The following DDX6 variants were observed in gnomAD, a reference collection of about 807,000 sequenced individuals.
The protein encoded by DDX6 is probable ATP-dependent RNA helicase DDX6.
Under a neutral mutation model 60.6 loss-of-function variants are expected in DDX6, and 7 were observed. That is an observed-to-expected ratio of 0.12 (90% confidence interval 0.07 to 0.22). The LOEUF is 0.22. Ranked by LOEUF, DDX6 falls within the 10% of genes least tolerant of loss-of-function variation. DDX6 has a pLI of 1.00. For missense variants in DDX6, 270 were observed against 589.9 expected (o/e 0.46, Z 5.62); for synonymous variants, 207 against 201.0 (o/e 1.03, Z -0.25).
At chr11:118,768,125 T>C (rs1861416956) in intron 5 of DDX6, 98 bp downstream of exon 5, 3 of 1,139,230 alleles carry the variant, frequency 2.6e-6, no homozygotes, top group East Asian at 5.4e-5. Flanking sequence ...AAATTTTAGA[T>C]AATGTAAATT....
chr11:118,749,639 TCACCCA>T lies in DDX6; in HGVS notation c.*2460_*2465del, dbSNP rs1555156702. ...GAAGGAGACTGCACTTTTTGTTTAG[TCACCCA>T]CACGTTCTCTAGCGAGATACAGAAT... On this transcript the variant is annotated 3_prime_UTR_variant, in exon 14 of 14. Coordinates refer to ENST00000534980, the MANE Select transcript of DDX6 (RefSeq NM_004397.6). 4.6e-5 allele frequency: 7 copies of T among 152,656 alleles called. No individual in the cohort carries two copies. The allele number at this position is 152,656 out of a possible 1,614,324, so 9.5% of individuals were successfully genotyped here.
chr11:118,775,073 G>A (rs1302216443), intron 4 of DDX6, among the ~76,000 whole-genome samples: 2 of 152,140 alleles, frequency 1.3e-5, no homozygotes, highest in Non-Finnish European at 1.5e-5. Context: ...CCAGTACTTT[G>A]GGAGGCCGAG....
intron 7 of DDX6, among the ~76,000 whole-genome samples, chr11:118,761,077 T>C (rs1300740467): frequency 1.3e-5 from 2 of 150,938 alleles, no homozygotes; most frequent in Non-Finnish European, 3.0e-5. Context: ...GAGATGGAGG[T>C]TGCAGTTGAG....
chr11:118,778,628 C>G (rs1861782815), intron 4 of DDX6, among the ~76,000 whole-genome samples: 1 of 152,070 alleles, frequency 6.6e-6, no homozygotes, highest in Admixed American at 6.6e-5. Flanking sequence ...TCTTAAAATG[C>G]ACCCCAGATT....
At chr11:118,789,616 G>T (rs1862198114) in intron 1 of DDX6, 1 of 152,122 alleles carries the variant, frequency 6.6e-6, no homozygotes, top group Non-Finnish European at 1.5e-5. Flanking sequence ...AGCAGATATG[G>T]TTAACAGCTA....
In DDX6 at chr11:118,767,624, GCCTTT is replaced by G. The variant is rs1345737032; in HGVS notation, c.499+594_499+598del. ...AATTTAACTTCTCATGACCTCAGCC[GCCTTT>G]TTTTTTTTTTTTTTTTTTTTGAGTT... On this transcript the variant is annotated intron_variant, in intron 5 of 13. Transcript: ENST00000534980. 7 of 92,986 alleles carry G rather than the reference GCCTTT, an allele frequency of 7.5e-5. No homozygotes were observed. In the South Asian group the frequency reaches 2.3e-3, roughly 30 times the overall value. 5.8% of individuals were successfully genotyped at this position (92,986 alleles called of 1,614,324 possible).
At chr11:118,757,749 C>T (rs1861027982) in intron 9 of DDX6, among the ~76,000 whole-genome samples, 1 of 152,076 alleles carries the variant, frequency 6.6e-6, no homozygotes, top group African/African-American at 2.4e-5. Flanking sequence ...CACCACAATG[C>T]CTGGCTAACT....
intron 4 of DDX6, among the ~76,000 whole-genome samples, chr11:118,778,343 A>G (rs1351288671): frequency 3.3e-4 from 51 of 152,316 alleles, no homozygotes; most frequent in Admixed American, 3.3e-3. Flanking sequence ...CAAGTTTCTC[A>G]AGCTCAGCAC....
intron 7 of DDX6, among the ~76,000 whole-genome samples, chr11:118,761,560 T>C (rs1360291133): frequency 6.6e-6 from 1 of 152,006 alleles, no homozygotes; most frequent in African/African-American, 2.4e-5. Flanking sequence ...GAGGTTGCGG[T>C]GAGCTGAGAT....
intron 10 of DDX6, among the ~76,000 whole-genome samples, chr11:118,756,940 C>T (rs1400837868): frequency 2.0e-5 from 3 of 152,144 alleles, no homozygotes; most frequent in African/African-American, 7.2e-5. Flanking sequence ...TTCCAAAGTA[C>T]TCATTTAAAC....
chr11:118,751,153 G>A lies in DDX6; in HGVS notation c.*952C>T, dbSNP rs1171510502. 2 of 151,400 alleles carry A rather than the reference G, an allele frequency of 1.3e-5. No individual in the cohort carries two copies. Among genetic ancestry groups the A allele is most frequent in the African/African-American group, 2.4e-5 (1 of 41,112 alleles). 9.4% of individuals were successfully genotyped at this position (151,400 alleles called of 1,614,324 possible). ...ACACACCCAATTTTCTATGGGACAC[G>A]CTTTGCCACAGAGGAAAGAGGGCCA... On this transcript the variant is annotated 3_prime_UTR_variant, in exon 14 of 14. Transcript: ENST00000534980.
chr11:118,785,977 T>C (rs1438209483), intron 2 of DDX6, 75 bp downstream of exon 2: 38 of 1,428,036 alleles, frequency 2.7e-5, no homozygotes, highest in Middle Eastern at 1.8e-4. Context: ...GGCATAAGTA[T>C]TAATAGTCAA....
chr11:118,776,611 G>A (rs143029717), intron 4 of DDX6, among the ~76,000 whole-genome samples: 3 of 152,228 alleles, frequency 2.0e-5, no homozygotes, highest in East Asian at 3.9e-4. Context: ...GAAGCAGGCA[G>A]ATCACAAGGT....
At chr11:118,754,067 C>T (rs539973615) in intron 13 of DDX6, among the ~76,000 whole-genome samples, 2 of 152,282 alleles carry the variant, frequency 1.3e-5, no homozygotes, top group Admixed American at 6.5e-5. Flanking sequence ...CACTGTACTC[C>T]AGCCTGGGCA....
At chr11:118,774,503 C>CT (rs1356130073) in intron 4 of DDX6, among the ~76,000 whole-genome samples, 1 of 127,674 alleles carries the variant, frequency 7.8e-6, no homozygotes, top group Non-Finnish European at 1.6e-5. Context: ...GGGTCTTGCT[C>CT]TGTTGCCCAG....
chr11:118,776,440 A>C (rs1383036129), intron 4 of DDX6, among the ~76,000 whole-genome samples: 1 of 152,184 alleles, frequency 6.6e-6, no homozygotes, highest in Non-Finnish European at 1.5e-5. Context: ...GACATGAGTT[A>C]CCTAAGTTTC....
chr11:118,770,231 T>C (rs1555162218), intron 4 of DDX6, among the ~76,000 whole-genome samples: 1 of 151,892 alleles, frequency 6.6e-6, no homozygotes, highest in Non-Finnish European at 1.5e-5. Flanking sequence ...TTTCACCATG[T>C]TGGCCAGGCT....
At chr11:118,757,886 C>T (rs1861032446) in intron 9 of DDX6, among the ~76,000 whole-genome samples, 2 of 152,116 alleles carry the variant, frequency 1.3e-5, no homozygotes, top group African/African-American at 4.8e-5. Context: ...CTACTGTGCC[C>T]AGCCAAGAAT....
intron 2 of DDX6, among the ~76,000 whole-genome samples, chr11:118,784,156 G>C (rs531066653): frequency 6.6e-6 from 1 of 150,976 alleles, no homozygotes; most frequent in South Asian, 2.1e-4. Flanking sequence ...CTTACATTCT[G>C]CCAAGACAAA....
Sources: allele counts gnomAD v4.1 joint callset (sites outside exome capture counted in the v4.1 genomes callset), GRCh38; gene constraint gnomAD v4.1.1; transcripts MANE v1.5; gene names NCBI Gene and HGNC (gene_info 2026-07-23, HGNC 2026-07-21).